Variants in EPB41L1 observed in about 807,000 individuals in gnomAD.
EPB41L1 encodes erythrocyte membrane protein band 4.1 like 1, also known as band 4.1-like protein 1.
Under a neutral mutation model 97.8 loss-of-function variants are expected in EPB41L1, and 29 were observed. The observed-to-expected ratio is 0.30, with a 90% confidence interval of 0.22 to 0.40. The LOEUF (loss-of-function observed/expected upper bound fraction) is 0.40. Among genes scored for constraint, EPB41L1 ranks in the 10% least tolerant of loss-of-function variants. EPB41L1 has a pLI of 1.00. For synonymous variants in EPB41L1, 383 were observed against 459.2 expected, an observed-to-expected ratio of 0.83 and a Z score of 2.12; for missense variants, 812 against 1,162.3, an observed-to-expected ratio of 0.70 and a Z score of 4.38.
At chr20:36,144,279 A>C (rs1401957331) in intron 2 of EPB41L1, among the ~76,000 whole-genome samples, 2 of 152,232 alleles carry the variant, frequency 1.3e-5, no homozygotes, top group Admixed American at 6.5e-5. Flanking sequence ...CTTGATGCCC[A>C]GCCCAGCGCC....
At chr20:36,095,274 A>G (rs1004695649) in intron 1 of EPB41L1, among the ~76,000 whole-genome samples, 7 of 151,442 alleles carry the variant, frequency 4.6e-5, no homozygotes. Context: ...GCTCGGCCTA[A>G]TTTTTGTATT....
intron 1 of EPB41L1, among the ~76,000 whole-genome samples, chr20:36,169,540 C>T (rs2060891599): frequency 6.6e-6 from 1 of 152,212 alleles, no homozygotes; most frequent in Non-Finnish European, 1.5e-5. Context: ...CAAGCTCCAA[C>T]CAGTTCCTCC....
chr20:36,158,182 A>G (rs936563451), intron 1 of EPB41L1, among the ~76,000 whole-genome samples: 4 of 152,104 alleles, frequency 2.6e-5, no homozygotes, highest in Admixed American at 2.6e-4. Context: ...GGTCAGAGCC[A>G]TGTTCCTGAA....
At chr20:36,219,152 C>T (rs1055773748) in intron 18 of EPB41L1, among the ~76,000 whole-genome samples, 190 bp downstream of exon 18, 3 of 152,220 alleles carry the variant, frequency 2.0e-5, no homozygotes, top group African/African-American at 4.8e-5. Flanking sequence ...ATGAGTGGCC[C>T]TCCCCACCGC....
At chr20:36,192,953 C>A (rs569137280) in intron 11 of EPB41L1, among the ~76,000 whole-genome samples, 15 of 152,300 alleles carry the variant, frequency 9.8e-5, no homozygotes, top group Non-Finnish European at 1.6e-4. Context: ...GAAAATGAGA[C>A]CTGTCTCAGG....
intron 17 of EPB41L1, among the ~76,000 whole-genome samples, chr20:36,215,847 A>G (rs1218508354): frequency 6.6e-6 from 1 of 152,202 alleles, no homozygotes; most frequent in Non-Finnish European, 1.5e-5. Context: ...AGCACCTTTA[A>G]TGTGCTGTGA....
At chr20:36,221,991 A>G (rs747153302) in intron 20 of EPB41L1, 47 bp downstream of exon 20, 50 of 1,587,256 alleles carry the variant, frequency 3.2e-5, no homozygotes, top group Non-Finnish European at 3.9e-5. Flanking sequence ...CCCAGTCCTC[A>G]ATCCCTCCTA....
chr20:36,111,508 G>A (rs932942442), intron 1 of EPB41L1, among the ~76,000 whole-genome samples: 1 of 152,190 alleles, frequency 6.6e-6, no homozygotes, highest in Non-Finnish European at 1.5e-5. Flanking sequence ...GAGGGAGGCC[G>A]GGCATGGTGG....
intron 5 of EPB41L1, among the ~76,000 whole-genome samples, chr20:36,179,188 A>G (rs768556649): frequency 6.6e-6 from 1 of 152,204 alleles, no homozygotes; most frequent in African/African-American, 2.4e-5. Flanking sequence ...TCTAAGGCCC[A>G]GAGAAGAGAG....
intron 2 of EPB41L1, among the ~76,000 whole-genome samples, chr20:36,140,410 T>C (rs2059595590): frequency 6.6e-6 from 1 of 152,106 alleles, no homozygotes; most frequent in Non-Finnish European, 1.5e-5. Context: ...AGTCAAAGTA[T>C]ACACTTGGAT....
In EPB41L1 at chr20:36,212,134, CTGT is replaced by C; in HGVS notation, c.2080-137_2080-135del. 1 of 815,538 alleles carries C rather than the reference CTGT, an allele frequency of 1.2e-6. No individual in the cohort carries two copies. The highest frequency in any genetic ancestry group is 2.1e-6 in the Non-Finnish European group (1 of 482,952). 50.5% of individuals were successfully genotyped at this position (815,538 alleles called of 1,614,324 possible). ...GATATCACACCACAACTCTTTTACCCTGTCCAGAGTACCCTTCCAGAGATGTGG... is the reference window on the plus strand; with the variant it reads ...GATATCACACCACAACTCTTTTACCCCCAGAGTACCCTTCCAGAGATGTGG... On this transcript the variant is annotated intron_variant, in intron 15 of 21. Transcript: ENST00000338074. This position sits in a 1 kb window ranked among gnomAD's most constrained non-coding sequence, Gnocchi z 4.8.
intron 1 of EPB41L1, among the ~76,000 whole-genome samples, chr20:36,103,936 C>T (rs1270518179): frequency 6.6e-6 from 1 of 152,116 alleles, no homozygotes; most frequent in Non-Finnish European, 1.5e-5. Flanking sequence ...GATCTCCTGA[C>T]CTCATGATCT....
At position 36,212,051 on chromosome 20, in the gene EPB41L1, G is replaced by T. The variant is rs1361034290; in HGVS notation, c.2080-221G>T. ...GAGGGTGTGTGGCACAGGGGCGCAG[G>T]GCAGGCCTGCCTGGTCCTGGTGGTG... On this transcript the variant is annotated intron_variant, in intron 15 of 21. Coordinates refer to ENST00000338074, the MANE Select transcript of EPB41L1 (RefSeq NM_012156.2). This position sits in a 1 kb window ranked among gnomAD's most constrained non-coding sequence, Gnocchi z 4.8. Among the ~76,000 whole-genome samples the T allele has an allele frequency of 1.3e-5, 2 of 152,192 alleles. No individual in the cohort carries two copies. The highest frequency in any genetic ancestry group is 4.8e-5 in the African/African-American group (2 of 41,444).
At position 36,207,168 on chromosome 20, in the gene EPB41L1, G is replaced by A; in HGVS notation, c.1669-2320G>A. On this transcript the variant is annotated intron_variant, in intron 14 of 21. Coordinates refer to ENST00000338074, the MANE Select transcript of EPB41L1 (RefSeq NM_012156.2). This position sits in a 1 kb window ranked among gnomAD's most constrained non-coding sequence, Gnocchi z 4.9. The stretch of plus-strand genomic sequence containing the variant: ...GCCCAACCTCCCATGGGTCAGGGGA[G>A]CCTTCGGAGCTCAGGGAGCCCTTTC... The A allele has an allele frequency of 7.8e-7, 1 of 1,288,836 alleles. No homozygotes were observed. The highest frequency in any genetic ancestry group is 1.0e-6 in the Non-Finnish European group (1 of 988,100). The allele number at this position is 1,288,836 out of a possible 1,614,324, so 79.8% of individuals were successfully genotyped here. A position where few individuals can be genotyped will look rare whatever the true frequency, so the allele number is the denominator to read the frequency against.
chr20:36,207,930 C>T lies in EPB41L1; in HGVS notation c.1669-1558C>T, dbSNP rs574666312. 5.1e-5 allele frequency: 46 copies of T among 899,960 alleles called. No individual in the cohort carries two copies. The highest frequency in any genetic ancestry group is 6.7e-5 in the Non-Finnish European group (45 of 675,814). The allele number at this position is 899,960 out of a possible 1,614,324, so 55.7% of individuals were successfully genotyped here. On this transcript the variant is annotated intron_variant, in intron 14 of 21. Coordinates refer to ENST00000338074, the MANE Select transcript of EPB41L1 (RefSeq NM_012156.2). The surrounding 1 kb of genome is among the most constrained non-coding windows in gnomAD (Gnocchi z 4.9). ...TTATCCATCCCTGTGAGTTTTTTCCCTAAACGGGCCTGGGTGTAGCTCAGG... is the reference window on the plus strand; with the variant it reads ...TTATCCATCCCTGTGAGTTTTTTCCTTAAACGGGCCTGGGTGTAGCTCAGG...
chr20:36,204,642 G>C (rs1053645369), intron 14 of EPB41L1, among the ~76,000 whole-genome samples: 1 of 151,372 alleles, frequency 6.6e-6, no homozygotes, highest in Non-Finnish European at 1.5e-5. Flanking sequence ...GAGCCACCGC[G>C]CCTGGCCTTT....
chr20:36,203,195 T>A (rs1273634549), intron 14 of EPB41L1, among the ~76,000 whole-genome samples: 1 of 152,210 alleles, frequency 6.6e-6, no homozygotes, highest in Admixed American at 6.5e-5. Flanking sequence ...CCGTGGAAGT[T>A]TTTTTCTTTT....
At chr20:36,166,294 T>A (rs1197868256) in intron 1 of EPB41L1, among the ~76,000 whole-genome samples, 2 of 152,266 alleles carry the variant, frequency 1.3e-5, no homozygotes, top group Non-Finnish European at 2.9e-5. Context: ...TCCTTAACTT[T>A]TCTGCTTCAG....
chr20:36,205,021 CTCTT>C (rs938824583), intron 14 of EPB41L1, among the ~76,000 whole-genome samples: 2 of 152,208 alleles, frequency 1.3e-5, no homozygotes, highest in African/African-American at 2.4e-5. Flanking sequence ...TTCTTTTCTG[CTCTT>C]TCTATGGGTT....
Sources: gnomAD v4.1 joint callset for allele counts (sites outside exome capture counted in the v4.1 genomes callset) on GRCh38, gnomAD v4.1.1 for gene constraint, Gnocchi (gnomAD v3.1) non-coding constraint, MANE v1.5 for transcripts, NCBI Gene and HGNC (gene_info 2026-07-23, HGNC 2026-07-21) for gene names.